The following LRRC4C variants were observed in gnomAD, a reference collection of about 807,000 sequenced individuals.
The protein encoded by LRRC4C is leucine-rich repeat-containing protein 4C.
Under a neutral mutation model 33.6 loss-of-function variants are expected in LRRC4C, and 5 were observed. The observed-to-expected ratio is 0.15, with a 90% CI of 0.08 to 0.31. The LOEUF (loss-of-function observed/expected upper bound fraction) is 0.31. Among genes scored for constraint, LRRC4C ranks in the 10% least tolerant of loss-of-function variants. The probability of loss-of-function intolerance (pLI) is 1.00; values close to 1 mark genes in which losing one functional copy is unlikely to be tolerated. For synonymous variants in LRRC4C, 329 were observed against 302.0 expected (o/e 1.09, Z -0.93); for missense variants, 560 against 796.7 (o/e 0.70, Z 3.58).
At chr11:40,623,273 T>TA (rs935622285) in intron 3 of LRRC4C, among the ~76,000 whole-genome samples, 3 of 151,890 alleles carry the variant, frequency 2.0e-5, no homozygotes, top group African/African-American at 7.2e-5. Flanking sequence ...AAACCTTTTT[T>TA]AAAAAAATTA....
At chr11:40,609,328 A>C (rs548263867) in intron 3 of LRRC4C, among the ~76,000 whole-genome samples, 2 of 152,188 alleles carry the variant, frequency 1.3e-5, no homozygotes, top group African/African-American at 4.8e-5. Context: ...CAATGGGTCA[A>C]AGAAGAAATA....
intron 3 of LRRC4C, among the ~76,000 whole-genome samples, chr11:40,416,149 A>G (rs1172160917): frequency 6.6e-6 from 1 of 152,160 alleles, no homozygotes; most frequent in Non-Finnish European, 1.5e-5. Context: ...ATAATTCAAT[A>G]CCTTCAACAA....
At chr11:40,354,535 G>A (rs1388792321) in intron 3 of LRRC4C, among the ~76,000 whole-genome samples, 2 of 152,168 alleles carry the variant, frequency 1.3e-5, no homozygotes, top group African/African-American at 4.8e-5. Context: ...TAGCTGAGCT[G>A]GCACCCAAGC....
chr11:40,918,910 T>G (rs1957067975), intron 2 of LRRC4C, among the ~76,000 whole-genome samples: 1 of 152,150 alleles, frequency 6.6e-6, no homozygotes, highest in African/African-American at 2.4e-5. Context: ...CTGAATGTAC[T>G]TATAATACAT....
intron 3 of LRRC4C, among the ~76,000 whole-genome samples, chr11:40,335,414 A>G (rs572393943): frequency 1.3e-5 from 2 of 152,214 alleles, no homozygotes; most frequent in Non-Finnish European, 2.9e-5. Flanking sequence ...TTTCTTATCA[A>G]AGGGCTTTTC....
chr11:41,386,052 G>A (rs897110813), intron 1 of LRRC4C, among the ~76,000 whole-genome samples: 7 of 151,620 alleles, frequency 4.6e-5, no homozygotes, highest in South Asian at 2.1e-4. Context: ...AACTAATGTT[G>A]TAACATCTTT....
At chr11:41,381,783 A>C (rs932269120) in intron 1 of LRRC4C, among the ~76,000 whole-genome samples, 1 of 151,762 alleles carries the variant, frequency 6.6e-6, no homozygotes, top group East Asian at 1.9e-4. Flanking sequence ...ATATGAAATG[A>C]ATATATATAT....
chr11:40,122,682 G>C (rs1855909972), intron 6 of LRRC4C, among the ~76,000 whole-genome samples: 2 of 151,774 alleles, frequency 1.3e-5, no homozygotes, highest in African/African-American at 4.8e-5. Flanking sequence ...TGATATTTCA[G>C]GAATTACCTT....
intron 1 of LRRC4C, among the ~76,000 whole-genome samples, chr11:41,087,155 TA>T (rs1168734461): frequency 3.9e-5 from 6 of 152,134 alleles, no homozygotes; most frequent in Admixed American, 2.0e-4. Flanking sequence ...ATTTTTAAGT[TA>T]ATCATTGCAT....
At chr11:40,500,978 G>T (rs920324199) in intron 3 of LRRC4C, among the ~76,000 whole-genome samples, 1 of 152,180 alleles carries the variant, frequency 6.6e-6, no homozygotes, top group Non-Finnish European at 1.5e-5. Context: ...TGGGGATACA[G>T]GCATTGGGTA....
At chr11:41,397,617 G>A (rs1436797836) in intron 1 of LRRC4C, among the ~76,000 whole-genome samples, 4 of 151,308 alleles carry the variant, frequency 2.6e-5, no homozygotes, top group Non-Finnish European at 5.9e-5. Context: ...CAACTGTACA[G>A]GGGTCAGTGT....
At chr11:40,509,060 C>T (rs1210845338) in intron 3 of LRRC4C, among the ~76,000 whole-genome samples, 2 of 152,094 alleles carry the variant, frequency 1.3e-5, no homozygotes, top group East Asian at 3.9e-4. Context: ...ATTGAACCAG[C>T]ATTTCCCTTT....
At chr11:40,427,275 G>A (rs941645913) in intron 3 of LRRC4C, among the ~76,000 whole-genome samples, 5 of 152,154 alleles carry the variant, frequency 3.3e-5, no homozygotes, top group African/African-American at 1.2e-4. Context: ...AGGCTGAGGT[G>A]GGTGGATCAT....
In LRRC4C at chr11:41,459,459, A is replaced by G. The variant is rs918825810; in HGVS notation, c.-524T>C. On this transcript the variant is annotated 5_prime_UTR_variant, in exon 1 of 7. Coordinates refer to ENST00000528697, the MANE Select transcript of LRRC4C (RefSeq NM_001258419.2). ...CTTTATGGATCCTCAAAGTTCACCAAGGAAAATTTACAATCCTCTAGCTTG... is the reference window on the plus strand; with the variant it reads ...CTTTATGGATCCTCAAAGTTCACCAGGGAAAATTTACAATCCTCTAGCTTG... 1 of 152,128 alleles carries G rather than the reference A, an allele frequency of 6.6e-6. No individual in the cohort carries two copies. Among genetic ancestry groups the G allele is most frequent in the African/African-American group, 2.4e-5 (1 of 41,426 alleles). The allele number at this position is 152,128 out of a possible 1,614,324, so 9.4% of individuals were successfully genotyped here. A position where few individuals can be genotyped will look rare whatever the true frequency, so the allele number is the denominator to read the frequency against.
At chr11:41,338,329 G>A (rs1308914593) in intron 1 of LRRC4C, among the ~76,000 whole-genome samples, 4 of 152,182 alleles carry the variant, frequency 2.6e-5, no homozygotes, top group Non-Finnish European at 5.9e-5. Flanking sequence ...TAAAGAAAAT[G>A]TGGTACATAT....
At chr11:41,417,181 C>T (rs997028308) in intron 1 of LRRC4C, among the ~76,000 whole-genome samples, 3 of 151,928 alleles carry the variant, frequency 2.0e-5, no homozygotes, top group South Asian at 2.1e-4. Flanking sequence ...CTAGCAATCA[C>T]AGGATATATA....
At chr11:40,837,124 T>A (rs966137031) in intron 2 of LRRC4C, among the ~76,000 whole-genome samples, 2 of 152,184 alleles carry the variant, frequency 1.3e-5, no homozygotes, top group Non-Finnish European at 2.9e-5. Flanking sequence ...TAGTATTATG[T>A]GATGCAATTC....
At chr11:41,110,139 A>G (rs1017773291) in intron 1 of LRRC4C, among the ~76,000 whole-genome samples, 2 of 152,012 alleles carry the variant, frequency 1.3e-5, no homozygotes, top group African/African-American at 4.8e-5. Context: ...ATAGATTTGG[A>G]ATTAGACTTT....
rs113954403 is a variant in LRRC4C at position 40,344,494 on chromosome 11, G to T, written c.-269-24773C>A. Among the ~76,000 whole-genome samples the T allele has an allele frequency of 1.1e-3, 161 of 152,154 alleles. 1 individual carries two copies. Among genetic ancestry groups the T allele is most frequent in the African/African-American group, 3.8e-3 (158 of 41,518 alleles). On this transcript the variant is annotated intron_variant, in intron 3 of 6. Coordinates refer to ENST00000528697, the MANE Select transcript of LRRC4C (RefSeq NM_001258419.2). ...ACACTCAACAAACTAGGCATTAAAAGAATATACTCCAAAATAATAAGAGCC... is the reference window on the plus strand; with the variant it reads ...ACACTCAACAAACTAGGCATTAAAATAATATACTCCAAAATAATAAGAGCC...
Sources: gnomAD v4.1 joint callset for allele counts (sites outside exome capture counted in the v4.1 genomes callset) on GRCh38, gnomAD v4.1.1 for gene constraint, MANE v1.5 for transcripts, NCBI Gene and HGNC (gene_info 2026-07-23, HGNC 2026-07-21) for gene names.